The following SPRYD7 variants were observed in gnomAD, a reference collection of about 807,000 sequenced individuals.
The protein encoded by SPRYD7 is SPRY domain containing 7.
SPRYD7 carries 14 observed loss-of-function variants against 23.8 expected under a neutral mutation model. That is an observed-to-expected ratio of 0.59 (90% confidence interval 0.39 to 0.92). The LOEUF is 0.92. Ranked by LOEUF, SPRYD7 falls within the 40% of genes least tolerant of loss-of-function variation. The pLI, the probability that SPRYD7 is intolerant of heterozygous loss-of-function variation, is 0.00. For synonymous variants in SPRYD7, 75 were observed against 84.9 expected (o/e 0.88, Z 0.64); for missense variants, 194 against 241.7 (o/e 0.80, Z 1.31).
chr13:49,931,316 A>G (rs1487461311), intron 1 of SPRYD7, among the ~76,000 whole-genome samples, 182 bp from the exon 2 acceptor site: 2 of 152,072 alleles, frequency 1.3e-5, no homozygotes, highest in African/African-American at 4.8e-5. Flanking sequence ...AGTAGCTGGG[A>G]CTACAGGTGT....
chr13:49,926,548 T>C (rs1259938018), intron 3 of SPRYD7, among the ~76,000 whole-genome samples: 2 of 152,180 alleles, frequency 1.3e-5, no homozygotes, highest in African/African-American at 4.8e-5. Flanking sequence ...TTCATCTCCT[T>C]TTTTTCTTTA....
intron 4 of SPRYD7, among the ~76,000 whole-genome samples, chr13:49,919,824 A>G (rs998878069): frequency 2.6e-5 from 4 of 151,798 alleles, no homozygotes; most frequent in Non-Finnish European, 5.9e-5. Flanking sequence ...AAAAAAAGAA[A>G]GAGACCTTTT....
At chr13:49,931,565 T>C (rs535944835) in intron 1 of SPRYD7, among the ~76,000 whole-genome samples, 6 of 152,340 alleles carry the variant, frequency 3.9e-5, no homozygotes, top group Admixed American at 1.3e-4. Flanking sequence ...TGTAAGTACT[T>C]TGAAATATAG....
intron 1 of SPRYD7, among the ~76,000 whole-genome samples, chr13:49,931,371 G>A (rs1015242437): frequency 6.6e-6 from 1 of 152,022 alleles, no homozygotes; most frequent in African/African-American, 2.4e-5. Flanking sequence ...AGTAGAGATG[G>A]GGGTTTCACC....
chr13:49,929,681 G>C (rs1009828001), intron 2 of SPRYD7, among the ~76,000 whole-genome samples: 2 of 151,776 alleles, frequency 1.3e-5, no homozygotes, highest in African/African-American at 4.8e-5. Context: ...ACTTTTAGTA[G>C]AAACGGGGTT....
intron 3 of SPRYD7, among the ~76,000 whole-genome samples, 181 bp downstream of exon 3, chr13:49,927,738 G>C (rs1955898471): frequency 6.6e-6 from 1 of 151,528 alleles, no homozygotes; most frequent in Admixed American, 6.6e-5. Flanking sequence ...AAAAAGGAGG[G>C]GGCAGTTGAG....
At position 49,936,285 on chromosome 13, in the gene SPRYD7, GC is replaced by G. The variant is rs762309922; in HGVS notation, c.-51del. On this transcript the variant is annotated 5_prime_UTR_variant, in exon 1 of 5. Coordinates refer to ENST00000361840, the MANE Select transcript of SPRYD7 (RefSeq NM_020456.4). ...GCCGTCCCTAGACCGAGGCGACACT[GC>G]CCCCCGCCGCTCAGCTCCGTCTCCT... 13 of 1,346,346 alleles carry G rather than the reference GC, an allele frequency of 9.7e-6. No homozygotes were observed. In the East Asian group the frequency reaches 1.6e-4, roughly 16 times the overall value. 83.4% of individuals were successfully genotyped at this position (1,346,346 alleles called of 1,614,324 possible). A position where few individuals can be genotyped will look rare whatever the true frequency, so the allele number is the denominator to read the frequency against.
intron 1 of SPRYD7, among the ~76,000 whole-genome samples, chr13:49,932,811 C>A (rs1270491789): frequency 6.6e-6 from 1 of 152,160 alleles, no homozygotes; most frequent in Non-Finnish European, 1.5e-5. Context: ...GAGATGCTCT[C>A]CCTTAAACAA....
intron 4 of SPRYD7, among the ~76,000 whole-genome samples, chr13:49,916,724 G>A (rs1359592851): frequency 6.6e-6 from 1 of 152,226 alleles, no homozygotes; most frequent in Non-Finnish European, 1.5e-5. Flanking sequence ...CCAAAGAAGG[G>A]CGTTTGGGAT....
intron 4 of SPRYD7, among the ~76,000 whole-genome samples, chr13:49,918,533 G>A (rs1955778442): frequency 6.9e-6 from 1 of 144,092 alleles, no homozygotes; most frequent in Admixed American, 7.2e-5. Context: ...TCACCCTCCT[G>A]AGTAGTTGCG....
At position 49,932,083 on chromosome 13, in the gene SPRYD7, C is replaced by T. The variant is rs145754430; in HGVS notation, c.107-949G>A. On this transcript the variant is annotated intron_variant, in intron 1 of 4. Transcript: ENST00000361840. ...GATTTCATAAATTTCTTAATTTAAA[C>T]CAAAACATAAACACAAGAGACTTTA... is the stretch of plus-strand genomic sequence containing the variant. Among the ~76,000 whole-genome samples the T allele has an allele frequency of 7.2e-4, 109 of 152,246 alleles. No homozygotes were observed. In the East Asian group the frequency reaches 0.02, roughly 27 times the overall value.
At chr13:49,932,095 C>T (rs554222909) in intron 1 of SPRYD7, among the ~76,000 whole-genome samples, 2 of 152,120 alleles carry the variant, frequency 1.3e-5, no homozygotes, top group East Asian at 1.9e-4. Context: ...AAAACATAAA[C>T]ACAAGAGACT....
chr13:49,931,441 A>G (rs1319745636), intron 1 of SPRYD7, among the ~76,000 whole-genome samples: 1 of 152,130 alleles, frequency 6.6e-6, no homozygotes, highest in Admixed American at 6.5e-5. Flanking sequence ...TGGCCTCCCA[A>G]AGTTCTGGGA....
At chr13:49,919,040 A>G (rs116841272) in intron 4 of SPRYD7, among the ~76,000 whole-genome samples, 13,683 of 152,150 alleles carry the variant, frequency 0.09, 1,434 homozygotes, top group East Asian at 0.54. Flanking sequence ...TATAACCCAA[A>G]TTTAAGAACT....
intron 3 of SPRYD7, among the ~76,000 whole-genome samples, chr13:49,924,215 G>A (rs1955852839): frequency 6.6e-6 from 1 of 151,984 alleles, no homozygotes. Context: ...TCGAACTCCT[G>A]ACCTCAGGTG....
chr13:49,927,339 A>T (rs1337408314), intron 3 of SPRYD7, among the ~76,000 whole-genome samples: 1 of 151,910 alleles, frequency 6.6e-6, no homozygotes, highest in Admixed American at 6.6e-5. Context: ...TACTAAAAAT[A>T]AAAAAAATCA....
Position 49,936,119 on chromosome 13 carries a change from A to G in SPRYD7, c.106+11T>C. 6.4e-7 allele frequency: 1 copy of G among 1,553,906 alleles called. No homozygotes were observed. Among genetic ancestry groups the G allele is most frequent in the Non-Finnish European group, 8.7e-7 (1 of 1,149,766 alleles). ...GTGAGCCGTTGGGTCTGGGGAAGGG[A>G]GGGCCCTTACCCATGTGCTGCGTGT... is the stretch of plus-strand genomic sequence containing the variant. On this transcript the variant is annotated intron_variant, in intron 1 of 4. Transcript: ENST00000361840.
At chr13:49,923,851 G>T (rs1455436801) in intron 3 of SPRYD7, among the ~76,000 whole-genome samples, 1 of 152,048 alleles carries the variant, frequency 6.6e-6, no homozygotes, top group East Asian at 1.9e-4. Context: ...GTTTGATTCT[G>T]CCAAAATGAT....
chr13:49,924,819 C>A (rs1234703824), intron 3 of SPRYD7, among the ~76,000 whole-genome samples: 1 of 147,972 alleles, frequency 6.8e-6, no homozygotes, highest in Non-Finnish European at 1.5e-5. Context: ...ACTAAAAACA[C>A]AAAAAAATTA....
Sources: gnomAD v4.1 joint callset for allele counts (sites outside exome capture counted in the v4.1 genomes callset) on GRCh38, gnomAD v4.1.1 for gene constraint, MANE v1.5 for transcripts, NCBI Gene and HGNC (gene_info 2026-07-23, HGNC 2026-07-21) for gene names.